Variants in MMADHC observed in about 807,000 individuals in gnomAD.
MMADHC encodes the protein cobalamin trafficking protein CblD.
A neutral mutation model predicts 36.3 loss-of-function variants in MMADHC; 23 were observed. That is an observed-to-expected ratio of 0.63 (90% CI 0.46 to 0.90). The LOEUF is 0.90. Among genes scored for constraint, MMADHC ranks in the 40% least tolerant of loss-of-function variants. The pLI is 0.00. For synonymous variants in MMADHC, 97 were observed against 116.1 expected (o/e 0.84, Z 1.06); for missense variants, 330 against 348.0 (o/e 0.95, Z 0.41).
chr2:149,575,980 G>A (rs747762550), intron 5 of MMADHC, 139 bp from the exon 6 acceptor site: 215 of 686,098 alleles, frequency 3.1e-4, no homozygotes, highest in Non-Finnish European at 4.4e-4. Context: ...TTTTATAAAT[G>A]TATGTTATTT....
chr2:149,583,845 T>C (rs1047300357), intron 2 of MMADHC, among the ~76,000 whole-genome samples: 1 of 152,208 alleles, frequency 6.6e-6, no homozygotes, highest in Admixed American at 6.5e-5. Context: ...TACATAAAAA[T>C]ATCTCCCCAA....
At chr2:149,587,172 A>G (rs889187200) in intron 1 of MMADHC, 23 bp from the exon 2 acceptor site, 2 of 1,436,996 alleles carry the variant, frequency 1.4e-6, no homozygotes, top group Admixed American at 1.7e-5. Flanking sequence ...ACAACAAAAC[A>G]GACGAGTGAT....
intron 6 of MMADHC, 130 bp downstream of exon 6, chr2:149,575,581 C>A: frequency 1.4e-6 from 1 of 695,270 alleles, no homozygotes; most frequent in Non-Finnish European, 2.2e-6. Context: ...GATGTAAGTC[C>A]TTTAGTATTA....
rs142299941 is a variant in MMADHC at position 149,573,606 on chromosome 2, T to A, written c.609+2105A>T. Among the ~76,000 whole-genome samples, 40 of 152,348 alleles carry A rather than the reference T, an allele frequency of 2.6e-4. No homozygotes were observed. In the East Asian group the frequency reaches 7.7e-3, roughly 29 times the overall value. ...TATTTGATCTAAGGTAACTTTTCTCTTAATACTTTCTTATAAACTAACAAT... is the reference window on the plus strand; with the variant it reads ...TATTTGATCTAAGGTAACTTTTCTCATAATACTTTCTTATAAACTAACAAT... On this transcript the variant is annotated intron_variant, in intron 6 of 7. Transcript: ENST00000303319.
intron 2 of MMADHC, among the ~76,000 whole-genome samples, chr2:149,586,702 A>G (rs1682874752): frequency 6.6e-6 from 1 of 152,162 alleles, no homozygotes; most frequent in South Asian, 2.1e-4. Context: ...TAGGATTTAG[A>G]AGGTCACTTC....
At chr2:149,572,234 GA>G (rs1368545706) in intron 6 of MMADHC, 1 of 428,372 alleles carries the variant, frequency 2.3e-6, no homozygotes, top group Non-Finnish European at 4.6e-6. Context: ...AGCTACTCGG[GA>G]GGCTGAAGCA....
intron 3 of MMADHC, among the ~76,000 whole-genome samples, chr2:149,580,583 C>T (rs1682780710): frequency 6.6e-6 from 1 of 152,106 alleles, no homozygotes; most frequent in Admixed American, 6.5e-5. Flanking sequence ...AACAGAGGGA[C>T]AACTGCTATG....
At chr2:149,573,391 CTT>C (rs1282075889) in intron 6 of MMADHC, among the ~76,000 whole-genome samples, 1 of 152,206 alleles carries the variant, frequency 6.6e-6, no homozygotes, top group Non-Finnish European at 1.5e-5. Flanking sequence ...CAATCTGCTT[CTT>C]GTTTCCTATT....
chr2:149,586,420 A>G (rs1244706363), intron 2 of MMADHC, among the ~76,000 whole-genome samples: 5 of 152,274 alleles, frequency 3.3e-5, no homozygotes, highest in Non-Finnish European at 7.4e-5. Context: ...CATATTTTAG[A>G]CTATACAAAT....
chr2:149,583,940 C>A (rs1317417638), intron 2 of MMADHC, among the ~76,000 whole-genome samples: 1 of 152,140 alleles, frequency 6.6e-6, no homozygotes, highest in East Asian at 1.9e-4. Context: ...CTAGAAAATT[C>A]TAGCAAATTC....
chr2:149,575,074 G>A lies in MMADHC; in HGVS notation c.609+637C>T, dbSNP rs918301151. On this transcript the variant is annotated intron_variant, in intron 6 of 7. Transcript: ENST00000303319. Reference sequence around the variant, plus strand: ...CTCCCAAAGTGTTAGAATTACAGGCGTGAGCCACTGCACCCAGTTAAAATT... The same window carrying A: ...CTCCCAAAGTGTTAGAATTACAGGCATGAGCCACTGCACCCAGTTAAAATT... 5.9e-5 allele frequency among the ~76,000 whole-genome samples: 9 copies of A among 152,256 alleles called. No individual in the cohort carries two copies. In the East Asian group the frequency reaches 1.5e-3, roughly 26 times the overall value.
chr2:149,575,557 T>C (rs1345251426), intron 6 of MMADHC, among the ~76,000 whole-genome samples, 154 bp downstream of exon 6: 3 of 152,198 alleles, frequency 2.0e-5, no homozygotes, highest in Non-Finnish European at 4.4e-5. Context: ...AGCTGCACTT[T>C]TACTCTCAAA....
At chr2:149,578,168 T>C (rs148226936) in intron 4 of MMADHC, among the ~76,000 whole-genome samples, 131 of 152,156 alleles carry the variant, frequency 8.6e-4, no homozygotes, top group African/African-American at 3.1e-3. Flanking sequence ...CATGCTACAA[T>C]GACTCTAAAA....
intron 6 of MMADHC, 38 bp downstream of exon 6, chr2:149,575,673 G>T: frequency 1.3e-6 from 2 of 1,514,790 alleles, no homozygotes; most frequent in South Asian, 1.2e-5. Flanking sequence ...CTTAAATAAT[G>T]ACCATAAAAT....
At position 149,587,752 on chromosome 2, in the gene MMADHC, A is replaced by T. The variant is rs960952389; in HGVS notation, c.-141T>A. 3.3e-5 allele frequency: 5 copies of T among 152,936 alleles called. No individual in the cohort carries two copies. The highest frequency in any genetic ancestry group is 9.6e-5 in the African/African-American group (4 of 41,452). The allele number at this position is 152,936 out of a possible 1,614,324, so 9.5% of individuals were successfully genotyped here. A position where few individuals can be genotyped will look rare whatever the true frequency, so the allele number is the denominator to read the frequency against. On this transcript the variant is annotated 5_prime_UTR_variant, in exon 1 of 8. Coordinates refer to ENST00000303319, the MANE Select transcript of MMADHC (RefSeq NM_015702.3). ...GGCGACGGCAGCGGTGGTAGCACCT[A>T]CGCTGGCGGTGAGCAGGCAAAGGAA...
At position 149,587,088 on chromosome 2, in the gene MMADHC, C is replaced by T. The variant is rs1475458864; in HGVS notation, c.9+1G>A. The T allele has an allele frequency of 1.2e-6, 2 of 1,613,916 alleles. No individual in the cohort carries two copies. Among genetic ancestry groups the T allele is most frequent in the African/African-American group, 2.7e-5 (2 of 75,048 alleles). ...TGATTCTTAAGAGATAATTTACTCA[C>T]ATTGGCCATCTCCGCTGGAGAAGAT... On this transcript the variant is annotated splice_donor_variant, in intron 2 of 7. Transcript: ENST00000303319. LOFTEE classifies it high-confidence loss of function.
chr2:149,576,968 A>G (rs1209399898), intron 4 of MMADHC, among the ~76,000 whole-genome samples: 1 of 152,206 alleles, frequency 6.6e-6, no homozygotes, highest in South Asian at 2.1e-4. Flanking sequence ...CTCCTACAGG[A>G]AGAGCTTAGA....
intron 2 of MMADHC, among the ~76,000 whole-genome samples, chr2:149,584,190 T>C (rs1186254413): frequency 1.3e-5 from 2 of 152,174 alleles, no homozygotes; most frequent in Non-Finnish European, 2.9e-5. Flanking sequence ...CCTCAGGATC[T>C]AAAGGAATCT....
At chr2:149,582,001 C>A in intron 3 of MMADHC, 126 bp downstream of exon 3, 1 of 1,024,968 alleles carries the variant, frequency 9.8e-7, no homozygotes, top group Admixed American at 2.1e-5. Flanking sequence ...AGCTGTGATT[C>A]ATTTTCAACT....
Sources: allele counts gnomAD v4.1 joint callset (sites outside exome capture counted in the v4.1 genomes callset), GRCh38; gene constraint gnomAD v4.1.1; transcripts MANE v1.5; gene names NCBI Gene and HGNC (gene_info 2026-07-23, HGNC 2026-07-21).